Variants in PHC2 observed in about 807,000 individuals in gnomAD.
PHC2 encodes the protein polyhomeotic-like protein 2.
Under a neutral mutation model 87.4 loss-of-function variants are expected in PHC2, and 29 were observed. The ratio of observed to expected loss-of-function variants is 0.33; its 90% CI spans 0.25 to 0.45. The LOEUF (loss-of-function observed/expected upper bound fraction) is 0.45, where lower values mean the gene tolerates loss of function less well. Among genes scored for constraint, PHC2 ranks in the 20% least tolerant of loss-of-function variants. The pLI is 1.00. For synonymous variants in PHC2, 438 were observed against 461.7 expected (o/e 0.95, Z 0.66); for missense variants, 857 against 1,136.7 (o/e 0.75, Z 3.54).
At chr1:33,375,947 T>A (rs1648156284) in intron 1 of PHC2, among the ~76,000 whole-genome samples, 1 of 152,236 alleles carries the variant, frequency 6.6e-6, no homozygotes, top group African/African-American at 2.4e-5. Context: ...CCAAGGGGGT[T>A]CCTGGAACCA....
intron 1 of PHC2, among the ~76,000 whole-genome samples, chr1:33,429,079 T>C (rs953194017): frequency 6.6e-6 from 1 of 152,222 alleles, no homozygotes; most frequent in Non-Finnish European, 1.5e-5. Flanking sequence ...TCTCTTTTTG[T>C]ATGATTTAGA....
chr1:33,331,624 C>T lies in PHC2; in HGVS notation c.1892-162G>A. ...GCATGGAAAATGCCAGTGGTTCTCA[C>T]CCCTGGAATGCACTCAAGGGTGTCT... On this transcript the variant is annotated intron_variant, in intron 11 of 14. Coordinates refer to ENST00000683057, the MANE Select transcript of PHC2 (RefSeq NM_001385109.1). The surrounding 1 kb of genome is among the most constrained non-coding windows in gnomAD (Gnocchi z 5.2). 1.8e-6 allele frequency: 1 copy of T among 561,122 alleles called. No homozygotes were observed. The highest frequency in any genetic ancestry group is 2.4e-5 in the South Asian group (1 of 40,920). 34.8% of individuals were successfully genotyped at this position (561,122 alleles called of 1,614,324 possible).
intron 1 of PHC2, among the ~76,000 whole-genome samples, chr1:33,376,859 A>G (rs1648212066): frequency 6.6e-6 from 1 of 152,164 alleles, no homozygotes; most frequent in Admixed American, 6.5e-5. Flanking sequence ...AACCCAGGAG[A>G]CAGAGGTTGC....
rs892802774 is a variant in PHC2 at position 33,382,905 on chromosome 1, A to G, written c.-54-7312T>C. ...GAAGGATACTGAAAACCTCTCTCCA[A>G]ATCTAGCCTAAAGCCCTGGGGTAAG... On this transcript the variant is annotated intron_variant, in intron 1 of 14. Coordinates refer to ENST00000683057, the MANE Select transcript of PHC2 (RefSeq NM_001385109.1). The surrounding 1 kb of genome is among the most constrained non-coding windows in gnomAD (Gnocchi z 4.3). Among the ~76,000 whole-genome samples the G allele has an allele frequency of 2.0e-5, 3 of 152,164 alleles. No homozygotes were observed. The highest frequency in any genetic ancestry group is 4.8e-5 in the African/African-American group (2 of 41,422).
At chr1:33,373,459 C>T (rs1029211289) in intron 2 of PHC2, among the ~76,000 whole-genome samples, 6 of 152,026 alleles carry the variant, frequency 3.9e-5, no homozygotes, top group Non-Finnish European at 8.8e-5. Flanking sequence ...CTCCATCATT[C>T]CCTCTTTTTA....
At chr1:33,417,170 G>C (rs1311435918) in intron 1 of PHC2, among the ~76,000 whole-genome samples, 4 of 151,652 alleles carry the variant, frequency 2.6e-5, no homozygotes, top group Non-Finnish European at 4.4e-5. Flanking sequence ...ACAATATGGG[G>C]TCAAGATTAA....
In PHC2 at chr1:33,405,765, A is replaced by G. The variant is rs908268362; in HGVS notation, c.-55+25211T>C. Among the ~76,000 whole-genome samples, 37 of 152,172 alleles carry G rather than the reference A, an allele frequency of 2.4e-4. 2 individuals carry two copies. The highest frequency in any genetic ancestry group is 1.3e-4 in the Non-Finnish European group (9 of 68,022). On this transcript the variant is annotated intron_variant, in intron 1 of 14. Coordinates refer to ENST00000683057, the MANE Select transcript of PHC2 (RefSeq NM_001385109.1). ...TCTAATTTCCACTGTGATGGATTAT[A>G]TATGTGTACTGCTTAATTTCCAAAT...
intron 9 of PHC2, among the ~76,000 whole-genome samples, chr1:33,348,823 G>A (rs1459674688): frequency 6.6e-6 from 1 of 152,184 alleles, no homozygotes; most frequent in Non-Finnish European, 1.5e-5. Context: ...GTTCAGAACC[G>A]AAAGTATGTG....
chr1:33,402,250 T>G (rs1262710592), intron 1 of PHC2, among the ~76,000 whole-genome samples: 2 of 152,150 alleles, frequency 1.3e-5, no homozygotes, highest in Admixed American at 6.5e-5. Flanking sequence ...AATTTCATAC[T>G]CATGAAATTG....
chr1:33,417,801 T>C (rs1224749687), intron 1 of PHC2, among the ~76,000 whole-genome samples: 1 of 152,114 alleles, frequency 6.6e-6, no homozygotes, highest in African/African-American at 2.4e-5. Flanking sequence ...ACATTCCACC[T>C]AATGACAACA....
Position 33,349,194 on chromosome 1 carries a change from G to C in PHC2, c.1558+5207C>G. 1.0e-6 allele frequency: 1 copy of C among 975,804 alleles called. No homozygotes were observed. Among genetic ancestry groups the C allele is most frequent in the Non-Finnish European group, 1.2e-6 (1 of 821,826 alleles). 60.4% of individuals were successfully genotyped at this position (975,804 alleles called of 1,614,324 possible). On this transcript the variant is annotated intron_variant, in intron 9 of 14. Coordinates refer to ENST00000683057, the MANE Select transcript of PHC2 (RefSeq NM_001385109.1). The surrounding 1 kb of genome is among the most constrained non-coding windows in gnomAD (Gnocchi z 4.2). The stretch of plus-strand genomic sequence containing the variant: ...ACAAAACTCTCCAGCGAAGCCGCAG[G>C]CGCCTCCAAGATAGGGAGTCCACCA...
Position 33,364,418 on chromosome 1 carries a change from A to ACG in PHC2, c.976+2697_976+2698insCG, listed in dbSNP as rs1286806519. Among the ~76,000 whole-genome samples the ACG allele has an allele frequency of 6.8e-5, 10 of 146,098 alleles. No homozygotes were observed. The highest frequency in any genetic ancestry group is 2.2e-4 in the South Asian group (1 of 4,544). The stretch of plus-strand genomic sequence containing the variant: ...CACACACACACACACACACACACAC[A>ACG]CACACACGCTCAAGCACGCTCTTCT... On this transcript the variant is annotated intron_variant, in intron 7 of 14. Coordinates refer to ENST00000683057, the MANE Select transcript of PHC2 (RefSeq NM_001385109.1). This position sits in a 1 kb window ranked among gnomAD's most constrained non-coding sequence, Gnocchi z 4.1.
intron 7 of PHC2, among the ~76,000 whole-genome samples, chr1:33,359,734 A>G (rs1570482713): frequency 6.6e-6 from 1 of 152,222 alleles, no homozygotes; most frequent in Non-Finnish European, 1.5e-5. Flanking sequence ...GAGAGCAGAG[A>G]AGGTTTCCCA....
At chr1:33,372,548 G>C (rs1387566130) in intron 2 of PHC2, 101 bp from the exon 3 acceptor site, 1 of 1,040,234 alleles carries the variant, frequency 9.6e-7, no homozygotes, top group Non-Finnish European at 1.3e-6. Context: ...ATAACTGCTC[G>C]GGAGACACCA....
At position 33,345,731 on chromosome 1, in the gene PHC2, T is replaced by G. The variant is rs114081405; in HGVS notation, c.1558+8670A>C. ...TTACTGATGGGGAAAAATCCAGAAT[T>G]TGTAATAATTATGTCTTGGATATGC... On this transcript the variant is annotated intron_variant, in intron 9 of 14. Coordinates refer to ENST00000683057, the MANE Select transcript of PHC2 (RefSeq NM_001385109.1). 6.2e-4 allele frequency: 611 copies of G among 984,816 alleles called. 5 individuals carry two copies. In the African/African-American group the frequency reaches 0.01, roughly 16 times the overall value. 61.0% of individuals were successfully genotyped at this position (984,816 alleles called of 1,614,324 possible).
At chr1:33,347,654 A>G in intron 9 of PHC2, 2 of 985,402 alleles carry the variant, frequency 2.0e-6, no homozygotes, top group Non-Finnish European at 2.4e-6. Context: ...AGGACTAAGA[A>G]ACTACCCCCT....
At chr1:33,354,213 T>G (rs4653080) in intron 9 of PHC2, among the ~76,000 whole-genome samples, 188 bp downstream of exon 9, 61,248 of 152,074 alleles carry the variant, frequency 0.4, 14,033 homozygotes, top group African/African-American at 0.65. Context: ...CTTGCTCTAA[T>G]ATCTTCCGTG....
chr1:33,427,971 G>A (rs928798544), intron 1 of PHC2, among the ~76,000 whole-genome samples: 3 of 152,134 alleles, frequency 2.0e-5, no homozygotes, highest in Admixed American at 6.5e-5. Flanking sequence ...TACCAGCAGT[G>A]AACTCAGCTA....
intron 1 of PHC2, among the ~76,000 whole-genome samples, chr1:33,377,958 G>A (rs1315075442): frequency 6.6e-6 from 1 of 152,170 alleles, no homozygotes; most frequent in African/African-American, 2.4e-5. Context: ...TTCCAAGGCA[G>A]TGTAGCAGCC....
Sources: allele counts gnomAD v4.1 joint callset (sites outside exome capture counted in the v4.1 genomes callset), GRCh38; gene constraint gnomAD v4.1.1; non-coding constraint Gnocchi (gnomAD v3.1); transcripts MANE v1.5; gene names NCBI Gene and HGNC (gene_info 2026-07-23, HGNC 2026-07-21).